TTC7A: variants seen among roughly 807,000 people sequenced by gnomAD.
TTC7A encodes the protein tetratricopeptide repeat domain 7A, also known as tetratricopeptide repeat protein 7A.
In TTC7A, 110 loss-of-function variants were observed where a neutral mutation model predicts 103.7. The ratio of observed to expected loss-of-function variants is 1.06; its 90% CI spans 0.91 to 1.24. The LOEUF is 1.24. Ranked by LOEUF, TTC7A falls within the 50% of genes most tolerant of loss-of-function variation. TTC7A has a pLI of 0.00. For missense variants in TTC7A, 1,340 were observed against 1,116.3 expected (o/e 1.20, Z -2.86); for synonymous variants, 521 against 467.9 (o/e 1.11, Z -1.47).
chr2:47,073,768 A>T lies in TTC7A; in HGVS notation c.2422A>T (p.Arg808Trp). ...GAAGGTGCTTCGTGATGCCGTGGAGAGGCAGAGTACGTGCCACGAGGCGTG... is the reference window on the plus strand; with the variant it reads ...GAAGGTGCTTCGTGATGCCGTGGAGTGGCAGAGTACGTGCCACGAGGCGTG... ...AQKVLRDAVERQSTCHEAWQG... is the reference protein window; with the variant it reads ...AQKVLRDAVEWQSTCHEAWQG... Residue 808 changes from arginine to tryptophan, a missense_variant, in exon 20 of 20, where the codon AGG (arginine) becomes TGG (tryptophan). By Grantham distance (101) the Arg-to-Trp change is moderately radical (BLOSUM62 -3). Coordinates refer to ENST00000319190, the MANE Select transcript of TTC7A (RefSeq NM_020458.4). The T allele has an allele frequency of 6.2e-7, 1 of 1,613,656 alleles. No individual in the cohort carries two copies. Among genetic ancestry groups the T allele is most frequent in the South Asian group, 1.1e-5 (1 of 91,074 alleles).
chr2:47,021,830 A>G, intron 11 of TTC7A, 32 bp from the exon 12 acceptor site: 2 of 1,582,418 alleles, frequency 1.3e-6, no homozygotes, highest in Non-Finnish European at 1.7e-6. Context: ...CTCCAACCCC[A>G]CCTCCATGAC....
chr2:47,045,826 C>G (rs567562893), intron 15 of TTC7A, among the ~76,000 whole-genome samples: 1 of 152,304 alleles, frequency 6.6e-6, no homozygotes, highest in Admixed American at 6.5e-5. Flanking sequence ...GACCTCCTTG[C>G]CAGTTCCTTG....
At chr2:47,009,902 T>G (rs1572896324) in intron 10 of TTC7A, among the ~76,000 whole-genome samples, 2 of 95,546 alleles carry the variant, frequency 2.1e-5, no homozygotes, top group African/African-American at 3.6e-5. Context: ...TTTTTTTTTT[T>G]TGGTGGTGGG....
chr2:47,008,458 C>G (rs1379572146), intron 10 of TTC7A, among the ~76,000 whole-genome samples: 1 of 152,228 alleles, frequency 6.6e-6, no homozygotes, highest in Non-Finnish European at 1.5e-5. Context: ...GGCACCATCC[C>G]AGCATCCAGG....
At chr2:46,990,953 C>A (rs1675563307) in intron 5 of TTC7A, among the ~76,000 whole-genome samples, 1 of 152,072 alleles carries the variant, frequency 6.6e-6, no homozygotes, top group South Asian at 2.1e-4. Flanking sequence ...TGCTCTGTTG[C>A]CCAGGTTAGA....
intron 18 of TTC7A, among the ~76,000 whole-genome samples, chr2:47,057,772 C>T (rs1249656515): frequency 6.6e-6 from 1 of 152,208 alleles, no homozygotes; most frequent in Non-Finnish European, 1.5e-5. Context: ...GTCCAAAGGC[C>T]TCTGCAGCCT....
At chr2:46,944,186 A>G (rs1157708223) in intron 1 of TTC7A, among the ~76,000 whole-genome samples, 1 of 152,134 alleles carries the variant, frequency 6.6e-6, no homozygotes, top group East Asian at 1.9e-4. Context: ...CCAAGTGATT[A>G]AAAAACAACT....
At chr2:46,916,380 A>G (rs1668791270) in exon 1 of TTC7A, 1 of 156,124 alleles carries the variant, frequency 6.4e-6, no homozygotes, top group Non-Finnish European at 1.4e-5. Flanking sequence ...AGTCCCAGCA[A>G]GACTATGCGA....
At chr2:46,946,122 G>A (rs2103934136) in intron 1 of TTC7A, among the ~76,000 whole-genome samples, 1 of 152,324 alleles carries the variant, frequency 6.6e-6, no homozygotes, top group East Asian at 1.9e-4. Flanking sequence ...TGGGCACTGA[G>A]GCCTTCCAGA....
intron 4 of TTC7A, among the ~76,000 whole-genome samples, chr2:46,976,995 G>A (rs977946679): frequency 2.0e-5 from 3 of 152,224 alleles, no homozygotes; most frequent in African/African-American, 7.2e-5. Context: ...GTCACTGCTA[G>A]ACAGTAGTAG....
chr2:46,927,775 C>CTA (rs1167462972), intron 2 of TTC7A, among the ~76,000 whole-genome samples: 1 of 151,228 alleles, frequency 6.6e-6, no homozygotes, highest in East Asian at 1.9e-4. Flanking sequence ...ACCTAAAATA[C>CTA]TACAGCCAGC....
chr2:46,926,217 A>G (rs115598960), intron 2 of TTC7A, among the ~76,000 whole-genome samples: 282 of 152,306 alleles, frequency 1.9e-3, no homozygotes, highest in African/African-American at 6.3e-3. Context: ...ATCTCCTCAG[A>G]GTGGAGCAGT....
At chr2:47,033,788 G>A (rs564235254) in intron 15 of TTC7A, among the ~76,000 whole-genome samples, 1 of 152,300 alleles carries the variant, frequency 6.6e-6, no homozygotes, top group African/African-American at 2.4e-5. Context: ...CCCACCAACA[G>A]CGTGAGGCTG....
chr2:47,046,861 G>C (rs1347124863), intron 16 of TTC7A: 2 of 234,178 alleles, frequency 8.5e-6, no homozygotes, highest in East Asian at 1.1e-4. Flanking sequence ...ACTTGAACTT[G>C]GGTCTCCTGA....
At chr2:46,975,213 TC>T in intron 4 of TTC7A, 110 bp downstream of exon 4, 1 of 1,425,154 alleles carries the variant, frequency 7.0e-7, no homozygotes, top group Non-Finnish European at 9.7e-7. Flanking sequence ...GAAGTCACCT[TC>T]TCTGTCCCCC....
chr2:46,938,193 ATCAAG>A (rs1670073799), upstream of TTC7A, among the ~76,000 whole-genome samples: 1 of 152,166 alleles, frequency 6.6e-6, no homozygotes, highest in Admixed American at 6.5e-5. Flanking sequence ...AAAAGCAAAA[ATCAAG>A]TCACCAATGA....
chr2:46,941,030 G>T, upstream of TTC7A: 2 of 152,004 alleles, frequency 1.3e-5, no homozygotes, highest in South Asian at 3.7e-4. This position sits in a 1 kb window ranked among gnomAD's most constrained non-coding sequence, Gnocchi z 4.2. Flanking sequence ...AGTGAGCTCC[G>T]ACTCCGCGGC....
intron 17 of TTC7A, chr2:47,050,774 C>T (rs75556828): frequency 0.03 from 4,617 of 152,232 alleles, 154 homozygotes; most frequent in South Asian, 0.12. Flanking sequence ...TTCTGTCTCC[C>T]AGGAGGGAAT....
At chr2:46,955,490 C>A (rs1183205908) in intron 2 of TTC7A, among the ~76,000 whole-genome samples, 2 of 152,156 alleles carry the variant, frequency 1.3e-5, no homozygotes, top group Admixed American at 6.5e-5. Flanking sequence ...CTGAAGGGAG[C>A]TCCCTGGTAG....
Sources: allele counts gnomAD v4.1 joint callset (sites outside exome capture counted in the v4.1 genomes callset), GRCh38; gene constraint gnomAD v4.1.1; non-coding constraint Gnocchi (gnomAD v3.1); transcripts MANE v1.5; gene names NCBI Gene and HGNC (gene_info 2026-07-23, HGNC 2026-07-21).